The following FHOD3 variants were observed in gnomAD, a reference collection of about 807,000 sequenced individuals.
The protein encoded by FHOD3 is FH1/FH2 domain-containing protein 3.
In FHOD3, 90 loss-of-function variants were observed where a neutral mutation model predicts 173.0. The ratio of observed to expected loss-of-function variants is 0.52; its 90% confidence interval spans 0.44 to 0.62. The LOEUF (loss-of-function observed/expected upper bound fraction) is 0.62. FHOD3 is among the 20% of genes least tolerant of loss of function. The pLI, the probability that FHOD3 is intolerant of heterozygous loss-of-function variation, is 0.00. For missense variants in FHOD3, 1,945 were observed against 2,034.7 expected (o/e 0.96, Z 0.85); for synonymous variants, 828 against 823.0 (o/e 1.01, Z -0.10).
chr18:36,744,341 T>G, intron 23 of FHOD3, 148 bp downstream of exon 23: 2 of 793,940 alleles, frequency 2.5e-6, no homozygotes, highest in South Asian at 3.9e-5. Flanking sequence ...ATATGATTTG[T>G]TTTGTGGCAT....
In FHOD3 at chr18:36,652,895, A is replaced by G; in HGVS notation, c.1612A>G (p.Lys538Glu). 1.3e-6 allele frequency: 2 copies of G among 1,534,904 alleles called. No homozygotes were observed. The highest frequency in any genetic ancestry group is 2.4e-5 in the East Asian group (1 of 40,884). The part of the protein sequence containing the change: ...YDFEDSSLST[K>E]EKEAESQKEN... ...CTTTGAGGACTCCTCCCTGTCCACC[A>G]AGGAGAAGGAAGCAGAGTCCCAGAA... Residue 538 changes from lysine to glutamate, a missense_variant, in exon 12 of 29, where the codon AAG (lysine) becomes GAG (glutamate). This residue lies in a region of FHOD3 where 1,099 missense variants were observed against 1,051.2 expected (regional missense o/e 1.05). Transcript: ENST00000590592.
chr18:36,383,477 A>G (rs2146319944), intron 3 of FHOD3, among the ~76,000 whole-genome samples: 1 of 152,334 alleles, frequency 6.6e-6, no homozygotes, highest in Admixed American at 6.5e-5. Context: ...GGAGAAAACT[A>G]GATTCAAATA....
intron 8 of FHOD3, among the ~76,000 whole-genome samples, chr18:36,605,569 T>A (rs2148529618): frequency 6.6e-6 from 1 of 152,322 alleles, no homozygotes; most frequent in Admixed American, 6.5e-5. Context: ...GTTCCGTTAT[T>A]GGAACGCTAA....
intron 3 of FHOD3, among the ~76,000 whole-genome samples, chr18:36,380,577 CT>C (rs1377115117): frequency 1.3e-4 from 14 of 111,568 alleles, no homozygotes; most frequent in East Asian, 5.1e-4. Flanking sequence ...CTTTTCTTTT[CT>C]TTTCCTTTCC....
Position 36,481,020 on chromosome 18 carries a change from G to GTTTTT in FHOD3, c.338-20894_338-20890dup, listed in dbSNP as rs35793521. 4.4e-4 allele frequency among the ~76,000 whole-genome samples: 46 copies of GTTTTT among 104,436 alleles called. No homozygotes were observed. In the East Asian group the frequency reaches 7.1e-3, roughly 16 times the overall value. The allele number at this position is 104,436 out of a possible 152,430, so 68.5% of individuals were successfully genotyped here. A position where few individuals can be genotyped will look rare whatever the true frequency, so the allele number is the denominator to read the frequency against. ...GCCAGGCTGGGCATATTGGGAGGTG[G>GTTTTT]TTTTTTTTTTTTTTTTTTTTTTGCG... On this transcript the variant is annotated intron_variant, in intron 3 of 28. Coordinates refer to ENST00000590592, the MANE Select transcript of FHOD3 (RefSeq NM_001281740.3).
At position 36,718,292 on chromosome 18, in the gene FHOD3, T is replaced by A; in HGVS notation, c.2994T>A (p.Thr998=). ...RELRIQDMDF[T]DLGEEDDIDV... is the part of the protein sequence containing the mutation. ...TCAGAATCCAAGACATGGATTTCAC[T>A]GACCTGGGGGAGGAGGATGACATTG... Residue 998 remains threonine (T), a synonymous_variant, in exon 19 of 29, where the codon ACT becomes ACA. Transcript: ENST00000590592. The A allele has an allele frequency of 6.2e-7, 1 of 1,614,188 alleles. No individual in the cohort carries two copies. Among genetic ancestry groups the A allele is most frequent in the Non-Finnish European group, 8.5e-7 (1 of 1,180,034 alleles).
intron 2 of FHOD3, among the ~76,000 whole-genome samples, chr18:36,361,280 T>C (rs1265829345): frequency 1.3e-5 from 2 of 152,040 alleles, no homozygotes; most frequent in Non-Finnish European, 2.9e-5. Context: ...TCAGCTGGGT[T>C]GAGTGGGTAG....
intron 3 of FHOD3, among the ~76,000 whole-genome samples, chr18:36,458,910 A>G (rs1027367079): frequency 2.0e-5 from 3 of 151,776 alleles, no homozygotes; most frequent in Admixed American, 6.6e-5. Context: ...CCTTTCACAC[A>G]TTTTTTCAGA....
At chr18:36,597,146 T>A (rs2148402789) in intron 7 of FHOD3, among the ~76,000 whole-genome samples, 1 of 152,282 alleles carries the variant, frequency 6.6e-6, no homozygotes, top group East Asian at 1.9e-4. Flanking sequence ...CTCCTTTGGC[T>A]TTGCTGAGCT....
chr18:36,446,630 A>C (rs1364793500), intron 3 of FHOD3, among the ~76,000 whole-genome samples: 1 of 152,052 alleles, frequency 6.6e-6, no homozygotes, highest in Non-Finnish European at 1.5e-5. Context: ...AGGTCATGGA[A>C]TCACATCCTG....
chr18:36,722,460 C>T (rs987169849), intron 19 of FHOD3, among the ~76,000 whole-genome samples: 1 of 152,194 alleles, frequency 6.6e-6, no homozygotes, highest in African/African-American at 2.4e-5. Flanking sequence ...TACTCTCTTG[C>T]ATTCATTAGG....
chr18:36,527,708 C>T (rs547350238), intron 5 of FHOD3, among the ~76,000 whole-genome samples: 1 of 152,158 alleles, frequency 6.6e-6, no homozygotes, highest in African/African-American at 2.4e-5. Context: ...GAACCTGGCA[C>T]ATGGCAATGG....
At chr18:36,369,701 A>G (rs1342670248) in intron 2 of FHOD3, among the ~76,000 whole-genome samples, 1 of 152,172 alleles carries the variant, frequency 6.6e-6, no homozygotes, top group Admixed American at 6.5e-5. Context: ...TATTATTTTT[A>G]CATATTGCAT....
At chr18:36,489,121 G>A (rs556813556) in intron 3 of FHOD3, among the ~76,000 whole-genome samples, 1 of 152,270 alleles carries the variant, frequency 6.6e-6, no homozygotes, top group South Asian at 2.1e-4. Flanking sequence ...AGCTAGGGTG[G>A]TTTTTGTCTC....
intron 3 of FHOD3, among the ~76,000 whole-genome samples, chr18:36,488,927 G>A (rs1345378276): frequency 2.0e-5 from 3 of 152,166 alleles, no homozygotes; most frequent in Admixed American, 6.5e-5. Flanking sequence ...CCAAGAGCAG[G>A]TGGGAGACAG....
At position 36,346,846 on chromosome 18, in the gene FHOD3, G is replaced by A. The variant is rs533055680; in HGVS notation, c.166-8693G>A. 2.6e-5 allele frequency among the ~76,000 whole-genome samples: 4 copies of A among 152,304 alleles called. No individual in the cohort carries two copies. The East Asian group carries it at 7.7e-4, about 29-fold the overall frequency. ...GCAGTGAGGCTCCCCCTCCATGGCC[G>A]GTGGCCTGCCTCCCTTCACTGCCTT... On this transcript the variant is annotated intron_variant, in intron 1 of 28. Coordinates refer to ENST00000590592, the MANE Select transcript of FHOD3 (RefSeq NM_001281740.3).
intron 20 of FHOD3, among the ~76,000 whole-genome samples, chr18:36,734,251 A>G (rs1233728273): frequency 6.6e-6 from 1 of 152,186 alleles, no homozygotes; most frequent in Non-Finnish European, 1.5e-5. Flanking sequence ...CTTCTAAAGC[A>G]GGTTTCTCAA....
chr18:36,685,336 G>A (rs746465885), intron 15 of FHOD3, among the ~76,000 whole-genome samples: 4 of 152,154 alleles, frequency 2.6e-5, no homozygotes, highest in Non-Finnish European at 5.9e-5. Context: ...ACTAATTATG[G>A]TGACTGCAGT....
chr18:36,748,105 G>A (rs1568723223), intron 24 of FHOD3, among the ~76,000 whole-genome samples: 1 of 151,714 alleles, frequency 6.6e-6, no homozygotes, highest in South Asian at 2.1e-4. Context: ...AAAGTTGGAC[G>A]GGACAAAAAT....
Sources: gnomAD v4.1 joint callset for allele counts (sites outside exome capture counted in the v4.1 genomes callset) on GRCh38, gnomAD v4.1.1 for gene constraint, gnomAD v4.1.1 regional missense constraint, MANE v1.5 for transcripts, NCBI Gene and HGNC (gene_info 2026-07-23, HGNC 2026-07-21) for gene names.